Variants in ZNF654 observed in about 807,000 individuals in gnomAD.
ZNF654 encodes zinc finger protein 654, also known as melanoma-associated antigen.
ZNF654 carries 19 observed loss-of-function variants against 95.3 expected under a neutral mutation model. The ratio of observed to expected loss-of-function variants is 0.20; its 90% CI spans 0.14 to 0.29. The LOEUF (loss-of-function observed/expected upper bound fraction) is 0.29, where lower values mean the gene tolerates loss of function less well. Among genes scored for constraint, ZNF654 ranks in the 10% least tolerant of loss-of-function variants. ZNF654 has a pLI of 1.00. For missense variants in ZNF654, 1,046 were observed against 1,341.0 expected, an observed-to-expected ratio of 0.78 and a Z score of 3.44; for synonymous variants, 413 against 457.9, an observed-to-expected ratio of 0.90 and a Z score of 1.25.
At chr3:88,107,707 T>TA (rs1185620015) in intron 2 of ZNF654, among the ~76,000 whole-genome samples, 1 of 152,152 alleles carries the variant, frequency 6.6e-6, no homozygotes, top group Non-Finnish European at 1.5e-5. Context: ...ATTTTTCAGA[T>TA]TTTTTCAGTG....
intron 3 of ZNF654, among the ~76,000 whole-genome samples, chr3:88,118,239 C>T (rs917833411): frequency 3.3e-5 from 5 of 152,020 alleles, no homozygotes; most frequent in African/African-American, 1.2e-4. Flanking sequence ...GCCTTCTTTC[C>T]CTGAGACACA....
intron 1 of ZNF654, among the ~76,000 whole-genome samples, chr3:88,059,840 A>C (rs1378613493): frequency 1.3e-5 from 2 of 151,900 alleles, no homozygotes; most frequent in Non-Finnish European, 2.9e-5. Context: ...CGCCTTTCTT[A>C]TGTTTCCTAC....
chr3:88,142,375 C>T lies in ZNF654; in HGVS notation c.*723C>T, dbSNP rs1165613201. 1 of 151,760 alleles carries T rather than the reference C, an allele frequency of 6.6e-6. No homozygotes were observed. The highest frequency in any genetic ancestry group is 2.4e-5 in the African/African-American group (1 of 41,298). 9.4% of individuals were successfully genotyped at this position (151,760 alleles called of 1,614,324 possible). ...CACTTTTGTGGTACAAATTAGTTAA[C>T]ATTTAAAGGGCAGCAGTGTCAATAA... is the stretch of plus-strand genomic sequence containing the variant. On this transcript the variant is annotated 3_prime_UTR_variant, in exon 9 of 9. Coordinates refer to ENST00000636215, the MANE Select transcript of ZNF654 (RefSeq NM_001350134.2).
intron 2 of ZNF654, among the ~76,000 whole-genome samples, chr3:88,109,071 A>C (rs373532461): frequency 1.3e-4 from 20 of 151,550 alleles, no homozygotes; most frequent in African/African-American, 4.6e-4. Flanking sequence ...GTTAGGTGCT[A>C]TCCGTGGTTT....
rs1706700620 is a variant in ZNF654 at position 88,059,355 on chromosome 3, C to T, written c.36C>T (p.Arg12=). 2 of 1,535,016 alleles carry T rather than the reference C, an allele frequency of 1.3e-6. No homozygotes were observed. Among genetic ancestry groups the T allele is most frequent in the Non-Finnish European group, 8.7e-7 (1 of 1,146,738 alleles). ...AEEESDQEAE[R]LGEELVAIVE... ...AAGAGAGCGACCAAGAGGCCGAACG[C>T]CTCGGAGAAGAGCTTGTGGCCATTG... Residue 12 remains arginine (R), a synonymous_variant, in exon 1 of 9, where the codon CGC becomes CGT. Transcript: ENST00000636215.
chr3:88,107,656 G>A (rs990817795), intron 2 of ZNF654, among the ~76,000 whole-genome samples: 1 of 151,976 alleles, frequency 6.6e-6, no homozygotes, highest in Non-Finnish European at 1.5e-5. Flanking sequence ...CTTGCTTCTT[G>A]TGTTTTCCAT....
At chr3:88,137,253 TTC>T (rs1479115560) in intron 7 of ZNF654, among the ~76,000 whole-genome samples, 1 of 147,138 alleles carries the variant, frequency 6.8e-6, no homozygotes, top group East Asian at 2.0e-4. Flanking sequence ...AGAAAACGAA[TTC>T]TGTTTTGAAT....
rs576005612 is a variant in ZNF654, at chr3:88,060,671, A to T, written c.186+1166A>T. ...GTTAAATAAATATGTGAAGGGTTTG[A>T]ATCAGGTAGCTATTAATTTCGTTCT... is the stretch of plus-strand genomic sequence containing the variant. On this transcript the variant is annotated intron_variant, in intron 1 of 8. Transcript: ENST00000636215. 1.3e-4 allele frequency among the ~76,000 whole-genome samples: 20 copies of T among 152,306 alleles called. No individual in the cohort carries two copies. The South Asian group carries it at 4.1e-3, about 32-fold the overall frequency.
intron 2 of ZNF654, among the ~76,000 whole-genome samples, chr3:88,103,166 A>G (rs1464964850): frequency 1.3e-5 from 2 of 151,652 alleles, no homozygotes; most frequent in African/African-American, 4.8e-5. Context: ...TTACAGACAC[A>G]TTTTTTTTTA....
At chr3:88,068,959 A>G (rs1054392846) in intron 1 of ZNF654, among the ~76,000 whole-genome samples, 4 of 152,206 alleles carry the variant, frequency 2.6e-5, no homozygotes, top group South Asian at 2.1e-4. Flanking sequence ...TGTACCATCT[A>G]TGCATATATA....
rs924664533 is a variant in ZNF654, at chr3:88,135,211, G to C, written c.1035+9G>C. On this transcript the variant is annotated intron_variant, in intron 7 of 8. Transcript: ENST00000636215. The stretch of plus-strand genomic sequence containing the variant: ...AAATCATCAAAGATGAGGTAAATAG[G>C]ATATATTTGTCCCTTAAATTTAAAA... 3 of 1,453,134 alleles carry C rather than the reference G, an allele frequency of 2.1e-6. No homozygotes were observed. Among genetic ancestry groups the C allele is most frequent in the Non-Finnish European group, 2.7e-6 (3 of 1,111,180 alleles). 90.0% of individuals were successfully genotyped at this position (1,453,134 alleles called of 1,614,324 possible).
rs752125886 is a variant in ZNF654, at chr3:88,140,248, T to C, written c.2579T>C (p.Leu860Pro). ...CATGAGCTTTTTGAAGATCTTCCTCTGCTGTATGAACATGAAGCTCAACAC... is the reference window on the plus strand; with the variant it reads ...CATGAGCTTTTTGAAGATCTTCCTCCGCTGTATGAACATGAAGCTCAACAC... ...ECHELFEDLP[L>P]LYEHEAQHYL... The change falls in exon 8 of 9, where the codon CTG (leucine) becomes CCG (proline). Residue 860 changes from leucine to proline, a missense_variant. By Grantham distance (98) the Leu-to-Pro change is moderately conservative. This residue lies in a region of ZNF654 where 495 missense variants were observed against 537.0 expected (regional missense o/e 0.92). Coordinates refer to ENST00000636215, the MANE Select transcript of ZNF654 (RefSeq NM_001350134.2). 10 of 1,613,686 alleles carry C rather than the reference T, an allele frequency of 6.2e-6. No homozygotes were observed. In the South Asian group the frequency reaches 1.1e-4, roughly 18 times the overall value.
chr3:88,106,444 TCTC>T (rs201005877), intron 2 of ZNF654, among the ~76,000 whole-genome samples: 1,562 of 152,142 alleles, frequency 0.01, 26 homozygotes, highest in African/African-American at 0.035. Flanking sequence ...TTCAAGCAGT[TCTC>T]CTGCCTCAGC....
At chr3:88,084,516 A>G (rs1028868186) in intron 1 of ZNF654, among the ~76,000 whole-genome samples, 2 of 152,184 alleles carry the variant, frequency 1.3e-5, no homozygotes, top group African/African-American at 4.8e-5. Context: ...TTTACTTTCC[A>G]GCTAGTGAGA....
intron 2 of ZNF654, among the ~76,000 whole-genome samples, chr3:88,110,480 A>C (rs1172276176): frequency 2.0e-5 from 3 of 152,052 alleles, no homozygotes; most frequent in Non-Finnish European, 2.9e-5. Context: ...CCCACCATGA[A>C]ATACTGTTCT....
intron 2 of ZNF654, among the ~76,000 whole-genome samples, chr3:88,100,924 C>T (rs1229631432): frequency 9.9e-5 from 15 of 152,100 alleles, no homozygotes; most frequent in Admixed American, 3.3e-4. Flanking sequence ...CAAACCTGCA[C>T]GTTGTGCACA....
Position 88,139,501 on chromosome 3 carries a change from A to G in ZNF654, c.1832A>G (p.Gln611Arg). 1 of 1,613,632 alleles carries G rather than the reference A, an allele frequency of 6.2e-7. No homozygotes were observed. Residue 611 changes from glutamine (Q) to arginine (R), a missense_variant, in exon 8 of 9, where the codon CAG becomes CGG. Physicochemically the swap from Gln to Arg is conservative, Grantham distance 43 (BLOSUM62 1). Around this residue, in one of 9 missense-constraint regions of ZNF654, gnomAD observed 495 missense variants for 537.0 expected, o/e 0.92. Transcript: ENST00000636215. ...QQIAAAQQDD[Q>R]EVTALEEINC... Reference sequence around the variant, plus strand: ...ATTGCTGCAGCTCAACAGGATGATCAGGAAGTCACTGCTTTGGAAGAAATA... The same window carrying G: ...ATTGCTGCAGCTCAACAGGATGATCGGGAAGTCACTGCTTTGGAAGAAATA...
intron 7 of ZNF654, among the ~76,000 whole-genome samples, chr3:88,137,962 A>G (rs892149160): frequency 6.6e-6 from 1 of 152,144 alleles, no homozygotes; most frequent in Non-Finnish European, 1.5e-5. Context: ...AAGCCTTTAG[A>G]TTATTCCAAA....
chr3:88,139,204 CTGA>C lies in ZNF654; in HGVS notation c.1541_1543del (p.Asp514del). The C allele has an allele frequency of 6.9e-7, 1 of 1,458,726 alleles. No homozygotes were observed. Among genetic ancestry groups the C allele is most frequent in the Non-Finnish European group, 9.0e-7 (1 of 1,107,272 alleles). 90.4% of individuals were successfully genotyped at this position (1,458,726 alleles called of 1,614,324 possible). On this transcript the variant is annotated inframe_deletion, in exon 8 of 9. Coordinates refer to ENST00000636215, the MANE Select transcript of ZNF654 (RefSeq NM_001350134.2). ...GATCAGAGCACTGGAGAGACTGATC[CTGA>C]TGATGTATCTGGAGTGCAGCCTAAA...
Sources: allele counts gnomAD v4.1 joint callset (sites outside exome capture counted in the v4.1 genomes callset), GRCh38; gene constraint gnomAD v4.1.1; regional missense constraint gnomAD v4.1.1; transcripts MANE v1.5; gene names NCBI Gene and HGNC (gene_info 2026-07-23, HGNC 2026-07-21).